Variants in SLC26A8 observed in about 807,000 individuals in gnomAD.
SLC26A8 encodes testis anion transporter 1.
Under a neutral mutation model 105.0 loss-of-function variants are expected in SLC26A8, and 70 were observed. The ratio of observed to expected loss-of-function variants is 0.67; its 90% CI spans 0.55 to 0.81. SLC26A8 has a LOEUF of 0.81. Among genes scored for constraint, SLC26A8 ranks in the 40% least tolerant of loss-of-function variants. SLC26A8 has a pLI of 0.00. For missense variants in SLC26A8, 998 were observed against 1,181.8 expected (o/e 0.84, Z 2.28); for synonymous variants, 415 against 438.3 (o/e 0.95, Z 0.66).
intron 11 of SLC26A8, among the ~76,000 whole-genome samples, chr6:35,963,319 C>T (rs1772385971): frequency 6.6e-6 from 1 of 152,136 alleles, no homozygotes; most frequent in African/African-American, 2.4e-5. Flanking sequence ...GCATGTGATT[C>T]CAGGCCTCTT....
intron 19 of SLC26A8, among the ~76,000 whole-genome samples, chr6:35,947,573 G>A (rs1378178735): frequency 2.0e-5 from 3 of 152,108 alleles, no homozygotes; most frequent in Non-Finnish European, 4.4e-5. Flanking sequence ...ATTCACAAAG[G>A]TAGCCAAATA....
intron 11 of SLC26A8, among the ~76,000 whole-genome samples, chr6:35,964,421 C>T (rs1021683224): frequency 1.3e-5 from 2 of 151,716 alleles, no homozygotes; most frequent in Admixed American, 6.6e-5. Context: ...CTGAGGCAGG[C>T]GAATCTCTTG....
chr6:35,983,676 T>TA (rs1421173020), intron 7 of SLC26A8, among the ~76,000 whole-genome samples: 4 of 152,090 alleles, frequency 2.6e-5, no homozygotes, highest in Non-Finnish European at 5.9e-5. Flanking sequence ...CTCAGCTTCC[T>TA]AAGTAGCTGG....
At chr6:35,992,730 C>T (rs776109991) in intron 5 of SLC26A8, 56 bp from the exon 6 acceptor site, 16 of 1,498,468 alleles carry the variant, frequency 1.1e-5, no homozygotes, top group Non-Finnish European at 1.4e-5. Flanking sequence ...AGCAATGGCA[C>T]CAATGGCACT....
At chr6:36,022,978 A>G (rs1762162618) in intron 1 of SLC26A8, among the ~76,000 whole-genome samples, 1 of 146,674 alleles carries the variant, frequency 6.8e-6, no homozygotes. Context: ...ATTCTGATTC[A>G]GTAGGTCTTG....
chr6:35,969,333 C>A, intron 10 of SLC26A8: 1 of 217,186 alleles, frequency 4.6e-6, no homozygotes. Context: ...GGTGCGGTGG[C>A]TCACACCTGT....
chr6:36,019,136 G>C (rs1762065655), intron 2 of SLC26A8, among the ~76,000 whole-genome samples: 1 of 152,168 alleles, frequency 6.6e-6, no homozygotes, highest in Non-Finnish European at 1.5e-5. Flanking sequence ...ATGTTGCCCA[G>C]GTTGGTCTCA....
At chr6:35,987,749 T>A (rs1044010724) in intron 7 of SLC26A8, among the ~76,000 whole-genome samples, 3 of 152,136 alleles carry the variant, frequency 2.0e-5, no homozygotes, top group African/African-American at 7.2e-5. Context: ...TATTCACCTC[T>A]ACTTTGGCTC....
chr6:36,001,233 A>C (rs1044636182), intron 3 of SLC26A8, among the ~76,000 whole-genome samples: 1 of 151,720 alleles, frequency 6.6e-6, no homozygotes, highest in Non-Finnish European at 1.5e-5. Flanking sequence ...GGTTCATGCC[A>C]TTCTCCTGCC....
At chr6:35,987,107 A>G (rs948574046) in intron 7 of SLC26A8, among the ~76,000 whole-genome samples, 11 of 152,204 alleles carry the variant, frequency 7.2e-5, no homozygotes, top group African/African-American at 2.7e-4. Flanking sequence ...AAGAATATGC[A>G]CCTCTACAAG....
intron 2 of SLC26A8, among the ~76,000 whole-genome samples, chr6:36,015,890 G>T (rs1227293492): frequency 6.6e-6 from 1 of 152,172 alleles, no homozygotes; most frequent in Non-Finnish European, 1.5e-5. Context: ...CCAATTGTGG[G>T]TGATAAACCA....
At chr6:35,983,428 C>T (rs1183135048) in intron 7 of SLC26A8, among the ~76,000 whole-genome samples, 1 of 152,158 alleles carries the variant, frequency 6.6e-6, no homozygotes, top group Non-Finnish European at 1.5e-5. Context: ...CTTAAATATA[C>T]ATAAATTATG....
At chr6:35,947,297 C>T (rs912968843) in intron 19 of SLC26A8, among the ~76,000 whole-genome samples, 3 of 152,234 alleles carry the variant, frequency 2.0e-5, no homozygotes, top group African/African-American at 7.2e-5. Context: ...TCCCGAAGTG[C>T]TAGGATTGCA....
intron 10 of SLC26A8, among the ~76,000 whole-genome samples, chr6:35,972,046 A>G (rs1772818110): frequency 6.6e-6 from 1 of 152,234 alleles, no homozygotes; most frequent in African/African-American, 2.4e-5. Flanking sequence ...AAGGACCAGT[A>G]GGTTTTGCTG....
chr6:35,969,114 T>C, intron 10 of SLC26A8, 160 bp from the exon 11 acceptor site: 1 of 626,440 alleles, frequency 1.6e-6, no homozygotes, highest in Non-Finnish European at 2.9e-6. Flanking sequence ...TCAAGTCTTA[T>C]CAAAGTGCTA....
intron 8 of SLC26A8, among the ~76,000 whole-genome samples, chr6:35,980,499 A>G (rs1773226118): frequency 6.6e-6 from 1 of 152,228 alleles, no homozygotes; most frequent in Admixed American, 6.5e-5. Context: ...CAAATGAAAT[A>G]ATACAAATAT....
chr6:36,002,548 G>C (rs1361951602), intron 3 of SLC26A8, among the ~76,000 whole-genome samples: 8 of 152,168 alleles, frequency 5.3e-5, no homozygotes, highest in African/African-American at 1.9e-4. Context: ...TAGTGTGTAT[G>C]GTGGTAACTC....
chr6:36,000,598 C>T (rs1351391046), intron 3 of SLC26A8, among the ~76,000 whole-genome samples: 1 of 152,198 alleles, frequency 6.6e-6, no homozygotes, highest in Admixed American at 6.5e-5. Context: ...AGCTGCTTCT[C>T]TAATACTTAC....
At chr6:36,007,789 A>G (rs1385388424) in intron 3 of SLC26A8, among the ~76,000 whole-genome samples, 2 of 152,184 alleles carry the variant, frequency 1.3e-5, no homozygotes, top group South Asian at 2.1e-4. Context: ...GATCTCTGAC[A>G]AAGGTGCAAA....
Sources: gnomAD v4.1 joint callset for allele counts (sites outside exome capture counted in the v4.1 genomes callset) on GRCh38, gnomAD v4.1.1 for gene constraint, MANE v1.5 for transcripts, NCBI Gene and HGNC (gene_info 2026-07-23, HGNC 2026-07-21) for gene names.